AFF2: variants seen among roughly 807,000 people sequenced by gnomAD.
AFF2 encodes the protein AF4/FMR2 family member 2.
Under a neutral mutation model 76.9 loss-of-function variants are expected in AFF2, and 14 were observed. That is an observed-to-expected ratio of 0.18 (90% CI 0.12 to 0.28). The LOEUF (loss-of-function observed/expected upper bound fraction) is 0.28, where lower values mean the gene tolerates loss of function less well. Ranked by LOEUF, AFF2 falls within the 10% of genes least tolerant of loss-of-function variation. AFF2 has a pLI of 1.00. For synonymous variants in AFF2, 398 were observed against 366.7 expected, an observed-to-expected ratio of 1.09 and a Z score of -0.98; for missense variants, 868 against 1,001.1, an observed-to-expected ratio of 0.87 and a Z score of 1.79.
At chrX:148,523,399 C>T (rs2052621776) in intron 1 of AFF2, among the ~76,000 whole-genome samples, 1 of 111,881 alleles carries the variant, frequency 8.9e-6, no homozygotes, top group African/African-American at 3.2e-5. Context: ...GATTAATTAA[C>T]TCAGAAGCAT....
chrX:148,833,683 A>T (rs2070484812), intron 4 of AFF2, among the ~76,000 whole-genome samples: 1 of 111,579 alleles, frequency 9.0e-6, no homozygotes, highest in Non-Finnish European at 1.9e-5. Flanking sequence ...TTGCTGTGTG[A>T]CCTTGGACAA....
At chrX:148,981,651 C>G (rs1268195568) in intron 19 of AFF2, among the ~76,000 whole-genome samples, 1 of 111,863 alleles carries the variant, frequency 8.9e-6, no homozygotes, top group Non-Finnish European at 1.9e-5. Flanking sequence ...GCCCACACCC[C>G]TCAGTGATGG....
At chrX:148,981,156 T>C (rs1415438186) in intron 19 of AFF2, among the ~76,000 whole-genome samples, 2 of 112,249 alleles carry the variant, frequency 1.8e-5, no homozygotes, top group African/African-American at 6.5e-5. Flanking sequence ...GTAAGTGCTG[T>C]TTAATAAAAC....
At chrX:148,552,159 T>G (rs2053001853) in intron 1 of AFF2, among the ~76,000 whole-genome samples, 1 of 112,518 alleles carries the variant, frequency 8.9e-6, no homozygotes, top group African/African-American at 3.2e-5. Context: ...CTGTATTCTT[T>G]CACTGTAATA....
chrX:148,596,611 C>T (rs1232409601), intron 1 of AFF2, among the ~76,000 whole-genome samples: 1 of 112,173 alleles, frequency 8.9e-6, no homozygotes, highest in Non-Finnish European at 1.9e-5. Flanking sequence ...TTTAGTATTT[C>T]AGCTCTCCCA....
intron 1 of AFF2, among the ~76,000 whole-genome samples, chrX:148,546,297 G>C (rs1275058385): frequency 9.0e-6 from 1 of 111,681 alleles, no homozygotes; most frequent in East Asian, 2.8e-4. Flanking sequence ...CTGACTTTGG[G>C]ATTGACACCT....
intron 3 of AFF2, among the ~76,000 whole-genome samples, chrX:148,766,820 AG>A (rs2069525404): frequency 8.9e-6 from 1 of 111,998 alleles, no homozygotes; most frequent in Non-Finnish European, 1.9e-5. Flanking sequence ...GATCATTGTC[AG>A]ATTTCTTGTT....
chrX:148,775,591 G>A (rs2069656515), intron 3 of AFF2, among the ~76,000 whole-genome samples: 1 of 111,927 alleles, frequency 8.9e-6, no homozygotes, highest in Non-Finnish European at 1.9e-5. Context: ...CAAGGTGACT[G>A]TGGAACTTTC....
chrX:148,703,242 T>C (rs1557262025), intron 3 of AFF2, among the ~76,000 whole-genome samples: 1 of 112,016 alleles, frequency 8.9e-6, no homozygotes, highest in Non-Finnish European at 1.9e-5. Context: ...AGGAATAAAT[T>C]GCATACAAAA....
At chrX:148,609,806 A>G (rs782095385) in intron 1 of AFF2, among the ~76,000 whole-genome samples, 9 of 111,369 alleles carry the variant, frequency 8.1e-5, no homozygotes, top group Non-Finnish European at 1.7e-4. Context: ...GGCTCAGCCA[A>G]CCTGCCCAGG....
chrX:148,581,500 A>ATG, intron 1 of AFF2, among the ~76,000 whole-genome samples: 1 of 99,389 alleles, frequency 1.0e-5, no homozygotes, highest in African/African-American at 3.7e-5. Flanking sequence ...GTGTACACAC[A>ATG]TATATACGTA....
intron 1 of AFF2, among the ~76,000 whole-genome samples, chrX:148,609,102 C>T (rs1557249177): frequency 1.8e-5 from 2 of 111,367 alleles, no homozygotes; most frequent in Admixed American, 9.6e-5. Flanking sequence ...TGTTTTTCTT[C>T]AGTGACCAAA....
intron 3 of AFF2, among the ~76,000 whole-genome samples, chrX:148,788,006 A>G (rs782695344): frequency 8.9e-6 from 1 of 112,101 alleles, no homozygotes; most frequent in South Asian, 3.8e-4. Flanking sequence ...AAGAAGGTTC[A>G]TATTTTAGTT....
At position 148,910,925 on chromosome X, in the gene AFF2, A is replaced by G. The variant is rs190655528; in HGVS notation, c.1397+6667A>G. On this transcript the variant is annotated intron_variant, in intron 9 of 20. Coordinates refer to ENST00000370460, the MANE Select transcript of AFF2 (RefSeq NM_002025.4). ...TTGTAGTATGAAATTGCATGCGTCA[A>G]CTCCTTGTTATAGGCCTCAGCTAGA... Among the ~76,000 whole-genome samples, 66 of 110,733 alleles carry G rather than the reference A, an allele frequency of 6.0e-4. 1 individual carries two copies. Among genetic ancestry groups the G allele is most frequent in the African/African-American group, 1.9e-3 (59 of 30,427 alleles).
rs184166541 is a variant in AFF2 at position 148,733,520 on chromosome X, A to G, written c.1041+70752A>G. ...AAGTTGGAACTCCGTAGGCTTGCCT[A>G]TGATAAGACACCTGACACAAAGGAG... On this transcript the variant is annotated intron_variant, in intron 3 of 20. Coordinates refer to ENST00000370460, the MANE Select transcript of AFF2 (RefSeq NM_002025.4). 6.3e-4 allele frequency among the ~76,000 whole-genome samples: 70 copies of G among 111,710 alleles called. 1 individual carries two copies. In the East Asian group the frequency reaches 0.017, roughly 27 times the overall value.
chrX:148,728,155 G>A (rs1220888732), intron 3 of AFF2, among the ~76,000 whole-genome samples: 3 of 112,389 alleles, frequency 2.7e-5, no homozygotes, highest in Non-Finnish European at 3.8e-5. Context: ...CAGCGTCATC[G>A]GGTTTACTGT....
intron 1 of AFF2, among the ~76,000 whole-genome samples, chrX:148,532,579 A>C (rs1244563299): frequency 1.8e-5 from 2 of 112,638 alleles, no homozygotes; most frequent in Non-Finnish European, 3.8e-5. Flanking sequence ...GAAACAGACA[A>C]ATAAGATAAA....
intron 7 of AFF2, among the ~76,000 whole-genome samples, chrX:148,880,943 C>T (rs2071089012): frequency 8.9e-6 from 1 of 111,826 alleles, no homozygotes; most frequent in African/African-American, 3.3e-5. Flanking sequence ...AGCTACCTAT[C>T]AGAAAAAAAC....
chrX:148,628,727 G>A (rs1030804894), intron 1 of AFF2, among the ~76,000 whole-genome samples: 8 of 112,245 alleles, frequency 7.1e-5, no homozygotes, highest in Admixed American at 4.7e-4. Flanking sequence ...GCTAATTGCT[G>A]TAAAGACATA....
Sources: allele counts gnomAD v4.1 joint callset (sites outside exome capture counted in the v4.1 genomes callset), GRCh38; gene constraint gnomAD v4.1.1; transcripts MANE v1.5; gene names NCBI Gene and HGNC (gene_info 2026-07-23, HGNC 2026-07-21).